Variants in ATG5 observed in about 807,000 individuals in gnomAD.
ATG5 encodes autophagy related 5, also known as autophagy protein 5.
Under a neutral mutation model 36.5 loss-of-function variants are expected in ATG5, and 14 were observed. The observed-to-expected ratio is 0.38, with a 90% confidence interval of 0.25 to 0.60. ATG5 has a LOEUF of 0.60. ATG5 is among the 20% of genes least tolerant of loss of function. ATG5 has a pLI of 0.60. For synonymous variants in ATG5, 95 were observed against 101.5 expected (o/e 0.94, Z 0.38); for missense variants, 195 against 326.7 (o/e 0.60, Z 3.11).
chr6:106,204,787 G>A (rs1418889328), intron 6 of ATG5, among the ~76,000 whole-genome samples: 1 of 152,142 alleles, frequency 6.6e-6, no homozygotes, highest in Admixed American at 6.5e-5. Context: ...ACGGAACTGT[G>A]AGTCAATTAA....
At chr6:106,230,863 T>C (rs1329134533) in intron 6 of ATG5, among the ~76,000 whole-genome samples, 1 of 152,184 alleles carries the variant, frequency 6.6e-6, no homozygotes, top group Non-Finnish European at 1.5e-5. Flanking sequence ...ACCTCTTTTG[T>C]AGAAAAGAAG....
At chr6:106,210,219 G>T (rs1582553481) in intron 6 of ATG5, among the ~76,000 whole-genome samples, 1 of 152,128 alleles carries the variant, frequency 6.6e-6, no homozygotes, top group African/African-American at 2.4e-5. Flanking sequence ...AGGTGATCCT[G>T]ATGAAATGTT....
intron 7 of ATG5, among the ~76,000 whole-genome samples, 184 bp from the exon 8 acceptor site, chr6:106,186,860 T>C (rs916448336): frequency 2.0e-5 from 3 of 152,138 alleles, no homozygotes; most frequent in Non-Finnish European, 2.9e-5. Flanking sequence ...AACAGAAACC[T>C]GAGGGTTACA....
At chr6:106,287,089 A>G (rs1367092002) in intron 4 of ATG5, among the ~76,000 whole-genome samples, 2 of 152,228 alleles carry the variant, frequency 1.3e-5, no homozygotes, top group African/African-American at 4.8e-5. Flanking sequence ...AGATACTATA[A>G]AACAGCTACC....
In ATG5 at chr6:106,251,767, G is replaced by GAAGAA. The variant is rs934180351; in HGVS notation, c.479-3528_479-3524dup. On this transcript the variant is annotated intron_variant, in intron 5 of 7. Transcript: ENST00000369076. ...AGAAAAGAAAGAAAGAAAAAGAAAAGAAGAAAAGAAAAGGAGGAGAGAAAA... is the reference window on the plus strand; with the variant it reads ...AGAAAAGAAAGAAAGAAAAAGAAAAGAAGAAAAGAAAAGAAAAGGAGGAGAGAAAA... 9.1e-4 allele frequency among the ~76,000 whole-genome samples: 135 copies of GAAGAA among 149,094 alleles called. 1 individual carries two copies. The East Asian group carries it at 9.2e-3, about 10-fold the overall frequency.
intron 4 of ATG5, among the ~76,000 whole-genome samples, chr6:106,282,140 A>G (rs1438178564): frequency 6.6e-6 from 1 of 152,234 alleles, no homozygotes; most frequent in Non-Finnish European, 1.5e-5. Context: ...CAATGCACAC[A>G]TGTGCACACC....
rs1775764707 is a variant in ATG5 at position 106,186,295 on chromosome 6, G to A, written c.*245C>T. 2.3e-6 allele frequency: 1 copy of A among 440,832 alleles called. No homozygotes were observed. The highest frequency in any genetic ancestry group is 3.6e-5 in the East Asian group (1 of 28,070). The allele number at this position is 440,832 out of a possible 1,614,324, so 27.3% of individuals were successfully genotyped here. A position where few individuals can be genotyped will look rare whatever the true frequency, so the allele number is the denominator to read the frequency against. ...CATTATATTTTACAGAAGACCTTCA[G>A]TGGTCCGGTAAGTCTTTCATGTCAC... On this transcript the variant is annotated 3_prime_UTR_variant, in exon 8 of 8. Coordinates refer to ENST00000369076, the MANE Select transcript of ATG5 (RefSeq NM_004849.4).
chr6:106,216,851 A>C (rs1777058816), intron 6 of ATG5, among the ~76,000 whole-genome samples: 1 of 152,100 alleles, frequency 6.6e-6, no homozygotes, highest in Non-Finnish European at 1.5e-5. Context: ...AATAGCCACC[A>C]TACACACCAG....
At chr6:106,280,014 A>G (rs1779816559) in intron 4 of ATG5, among the ~76,000 whole-genome samples, 191 bp from the exon 5 acceptor site, 2 of 152,256 alleles carry the variant, frequency 1.3e-5, no homozygotes, top group Non-Finnish European at 2.9e-5. Context: ...ACTTTTCCCA[A>G]ATAATTCTTA....
intron 6 of ATG5, among the ~76,000 whole-genome samples, chr6:106,218,236 C>T (rs2114417018): frequency 6.6e-6 from 1 of 152,188 alleles, no homozygotes; most frequent in East Asian, 1.9e-4. Flanking sequence ...ATAAACATGG[C>T]CTCATGAATA....
chr6:106,189,293 T>C (rs1328420198), intron 7 of ATG5, among the ~76,000 whole-genome samples: 1 of 152,100 alleles, frequency 6.6e-6, no homozygotes, highest in African/African-American at 2.4e-5. Context: ...AAGGACATTT[T>C]AGCAATATCA....
chr6:106,274,278 C>A (rs1288125527), intron 5 of ATG5, among the ~76,000 whole-genome samples: 1 of 151,974 alleles, frequency 6.6e-6, no homozygotes, highest in Non-Finnish European at 1.5e-5. Flanking sequence ...TCTTTTATTT[C>A]TTGTGGCCAT....
intron 6 of ATG5, among the ~76,000 whole-genome samples, chr6:106,234,249 A>G (rs953674821): frequency 6.6e-6 from 1 of 152,108 alleles, no homozygotes. Flanking sequence ...CTCCATACCC[A>G]TACTTGCCTG....
intron 6 of ATG5, among the ~76,000 whole-genome samples, chr6:106,245,621 ACT>A (rs1330923078): frequency 1.3e-5 from 2 of 151,966 alleles, no homozygotes; most frequent in Non-Finnish European, 2.9e-5. Flanking sequence ...CATGCTCAGT[ACT>A]CTGTCTCTCT....
intron 2 of ATG5, among the ~76,000 whole-genome samples, chr6:106,314,987 T>C (rs138521900): frequency 1.3e-5 from 2 of 152,124 alleles, no homozygotes; most frequent in African/African-American, 4.8e-5. Context: ...TCAAACAAAA[T>C]CCCAACATGA....
intron 6 of ATG5, among the ~76,000 whole-genome samples, chr6:106,232,829 T>C (rs933392693): frequency 3.9e-5 from 6 of 152,116 alleles, no homozygotes; most frequent in Admixed American, 3.9e-4. Context: ...AGCAGAGTGG[T>C]TTACAGACCT....
At chr6:106,189,646 T>A (rs201081726) in intron 7 of ATG5, among the ~76,000 whole-genome samples, 10 of 143,340 alleles carry the variant, frequency 7.0e-5, no homozygotes, top group African/African-American at 7.8e-5. Context: ...AATAAAACAG[T>A]AAAAAAAAAA....
chr6:106,280,872 C>A (rs2114603958), intron 4 of ATG5, among the ~76,000 whole-genome samples: 1 of 152,214 alleles, frequency 6.6e-6, no homozygotes, highest in East Asian at 1.9e-4. Flanking sequence ...ATTTTAACCA[C>A]TGTACAATAT....
intron 4 of ATG5, 55 bp downstream of exon 4, chr6:106,292,973 A>G (rs1780374404): frequency 1.4e-5 from 19 of 1,386,156 alleles, no homozygotes; most frequent in Admixed American, 4.0e-5. Flanking sequence ...TTCTACTCGA[A>G]GTCTATTTAT....
Sources: gnomAD v4.1 joint callset for allele counts (sites outside exome capture counted in the v4.1 genomes callset) on GRCh38, gnomAD v4.1.1 for gene constraint, MANE v1.5 for transcripts, NCBI Gene and HGNC (gene_info 2026-07-23, HGNC 2026-07-21) for gene names.